Variants in FHAD1 observed in about 807,000 individuals in gnomAD.
FHAD1 encodes the protein forkhead-associated domain-containing protein 1.
A neutral mutation model predicts 191.3 loss-of-function variants in FHAD1; 146 were observed. The ratio of observed to expected loss-of-function variants is 0.76; its 90% CI spans 0.67 to 0.88. FHAD1 has a LOEUF of 0.88. Among genes scored for constraint, FHAD1 ranks in the 40% least tolerant of loss-of-function variants. FHAD1 has a pLI of 0.00. For synonymous variants in FHAD1, 616 were observed against 672.3 expected (o/e 0.92, Z 1.29); for missense variants, 1,635 against 1,785.8 (o/e 0.92, Z 1.52).
At chr1:15,380,111 CATTT>C (rs1700570668) in intron 28 of FHAD1, among the ~76,000 whole-genome samples, 1 of 152,210 alleles carries the variant, frequency 6.6e-6, no homozygotes. Context: ...TGCATTCATT[CATTT>C]GACAAACATG....
chr1:15,341,852 C>G lies in FHAD1; in HGVS notation c.2094C>G (p.Leu698=), dbSNP rs549237275. The change falls in exon 16 of 34, where the codon CTC becomes CTG. Residue 698 remains leucine, a synonymous_variant. Transcript: ENST00000688493. ...NEERLEQEEK[L]KAKIRQLTEE... ...AGAGGCTAGAGCAAGAGGAGAAGCT[C>G]AAAGCCAAAATCAGGCAACTGACGG... 6.4e-7 allele frequency: 1 copy of G among 1,551,646 alleles called. No homozygotes were observed. Among genetic ancestry groups the G allele is most frequent in the East Asian group, 2.4e-5 (1 of 40,922 alleles).
chr1:15,397,122 C>T (rs1206675056), intron 33 of FHAD1, among the ~76,000 whole-genome samples, 175 bp from the exon 34 acceptor site: 3 of 148,406 alleles, frequency 2.0e-5, no homozygotes, highest in South Asian at 2.2e-4. Flanking sequence ...ACCCAGGAGG[C>T]GGAGCTTGCA....
intron 28 of FHAD1, 119 bp from the exon 29 acceptor site, chr1:15,380,582 C>T (rs1700679656): frequency 3.5e-5 from 26 of 752,114 alleles, no homozygotes; most frequent in Middle Eastern, 2.4e-4. Context: ...GATCAGGACG[C>T]GGACTGAAAA....
intron 20 of FHAD1, among the ~76,000 whole-genome samples, chr1:15,353,985 A>G (rs1016311871): frequency 6.6e-6 from 1 of 152,174 alleles, no homozygotes; most frequent in Non-Finnish European, 1.5e-5. Context: ...AAACACACAC[A>G]CAATGACCAA....
At chr1:15,239,831 G>T (rs571252876) in intron 1 of FHAD1, among the ~76,000 whole-genome samples, 1 of 152,332 alleles carries the variant, frequency 6.6e-6, no homozygotes, top group South Asian at 2.1e-4. Context: ...TGCACTGCTG[G>T]GGGGTGTAGA....
At chr1:15,383,252 A>G (rs1367004467) in intron 31 of FHAD1, 1 of 469,364 alleles carries the variant, frequency 2.1e-6, no homozygotes, top group Non-Finnish European at 4.4e-6. Flanking sequence ...CGCTGTCGTC[A>G]TACCTCAGGA....
At position 15,381,308 on chromosome 1, in the gene FHAD1, C is replaced by T; in HGVS notation, c.3879C>T (p.Leu1293=). The change falls in exon 30 of 34, where the codon CTC becomes CTT. Residue 1293 remains leucine (L), a synonymous_variant. Transcript: ENST00000688493. The surrounding 1 kb of genome is among the most constrained non-coding windows in gnomAD (Gnocchi z 4.6). ...NMSGHVSMKY[L]SRQEREKVNQ... is the part of the protein sequence containing the mutation. Reference sequence around the variant, plus strand: ...CAGGCCACGTGTCCATGAAATACCTCTCCCGCCAGGAGAGGGAGAAGGTCA... The same window carrying T: ...CAGGCCACGTGTCCATGAAATACCTTTCCCGCCAGGAGAGGGAGAAGGTCA... 1 of 1,551,700 alleles carries T rather than the reference C, an allele frequency of 6.4e-7. No homozygotes were observed. Among genetic ancestry groups the T allele is most frequent in the Middle Eastern group, 1.7e-4 (1 of 5,992 alleles).
At chr1:15,358,410 T>C in intron 21 of FHAD1, 127 bp downstream of exon 21, 1 of 889,056 alleles carries the variant, frequency 1.1e-6, no homozygotes, top group Non-Finnish European at 1.7e-6. Flanking sequence ...GCCAAGTAGC[T>C]CTTTCCTGTC....
chr1:15,260,307 A>G (rs1650418347), intron 2 of FHAD1, among the ~76,000 whole-genome samples: 1 of 152,148 alleles, frequency 6.6e-6, no homozygotes, highest in Non-Finnish European at 1.5e-5. Flanking sequence ...GTGTTACGAG[A>G]CTGAATTACC....
At chr1:15,376,559 C>T (rs113685273) in intron 28 of FHAD1, among the ~76,000 whole-genome samples, 1 of 152,174 alleles carries the variant, frequency 6.6e-6, no homozygotes, top group Admixed American at 6.5e-5. Flanking sequence ...TCAGAGGGAC[C>T]TGTGTCCAGA....
intron 1 of FHAD1, among the ~76,000 whole-genome samples, chr1:15,249,290 TA>T (rs34278950): frequency 0.46 from 60,854 of 133,384 alleles, 12,513 homozygotes; most frequent in African/African-American, 0.52. Context: ...GGGGAAGAGC[TA>T]AAAAAAAAAA....
chr1:15,247,631 C>T (rs891077397), intron 1 of FHAD1, among the ~76,000 whole-genome samples: 3 of 152,146 alleles, frequency 2.0e-5, no homozygotes, highest in South Asian at 2.1e-4. Context: ...CTCCTTGGCA[C>T]CAGCCATGCC....
intron 31 of FHAD1, among the ~76,000 whole-genome samples, chr1:15,387,569 C>T (rs576869351): frequency 6.6e-6 from 1 of 151,866 alleles, no homozygotes; most frequent in East Asian, 1.9e-4. Context: ...GGCAACATAG[C>T]ACGACCCCCA....
At chr1:15,296,976 T>G (rs1006884279) in intron 5 of FHAD1, among the ~76,000 whole-genome samples, 183 bp downstream of exon 5, 1 of 152,230 alleles carries the variant, frequency 6.6e-6, no homozygotes, top group South Asian at 2.1e-4. Flanking sequence ...AACCACTGTT[T>G]ATTAAGCATC....
intron 10 of FHAD1, among the ~76,000 whole-genome samples, chr1:15,319,485 G>T (rs546390968): frequency 7.9e-5 from 12 of 152,214 alleles, no homozygotes; most frequent in Admixed American, 3.3e-4. Context: ...TCTTGTCCAG[G>T]TGCAGTAGCT....
chr1:15,250,696 G>A (rs1035577087), intron 1 of FHAD1, among the ~76,000 whole-genome samples: 9 of 152,152 alleles, frequency 5.9e-5, no homozygotes, highest in Non-Finnish European at 1.3e-4. Context: ...AACTCCAAAA[G>A]CAGACATGGT....
intron 3 of FHAD1, among the ~76,000 whole-genome samples, chr1:15,279,242 C>G (rs1222273377): frequency 2.6e-5 from 4 of 152,144 alleles, no homozygotes. Context: ...TATTTGTGCT[C>G]AAGTGTCAAT....
At chr1:15,396,793 G>A (rs1706117690) in intron 33 of FHAD1, among the ~76,000 whole-genome samples, 2 of 152,030 alleles carry the variant, frequency 1.3e-5, no homozygotes, top group South Asian at 4.2e-4. Flanking sequence ...CTGGGCCACA[G>A]AACAAGACTC....
upstream of FHAD1, among the ~76,000 whole-genome samples, chr1:15,244,350 A>G (rs1010985417): frequency 2.0e-5 from 3 of 152,210 alleles, no homozygotes; most frequent in Non-Finnish European, 4.4e-5. The surrounding 1 kb of genome is among the most constrained non-coding windows in gnomAD (Gnocchi z 5.1). Flanking sequence ...TTTCATTGAG[A>G]TATCAGCTAA....
Sources: gnomAD v4.1 joint callset for allele counts (sites outside exome capture counted in the v4.1 genomes callset) on GRCh38, gnomAD v4.1.1 for gene constraint, Gnocchi (gnomAD v3.1) non-coding constraint, MANE v1.5 for transcripts, NCBI Gene and HGNC (gene_info 2026-07-23, HGNC 2026-07-21) for gene names.